The following TACC2 variants were observed in gnomAD, a reference collection of about 807,000 sequenced individuals.
The protein encoded by TACC2 is transforming acidic coiled-coil-containing protein 2.
TACC2 carries 137 observed loss-of-function variants against 227.3 expected under a neutral mutation model. The observed-to-expected ratio is 0.60, with a 90% CI of 0.52 to 0.69. The LOEUF is 0.69. Ranked by LOEUF, TACC2 falls within the 30% of genes least tolerant of loss-of-function variation. The pLI is 0.00. For synonymous variants in TACC2, 1,523 were observed against 1,487.5 expected, an observed-to-expected ratio of 1.02 and a Z score of -0.55; for missense variants, 3,470 against 3,694.4, an observed-to-expected ratio of 0.94 and a Z score of 1.57.
intron 5 of TACC2, among the ~76,000 whole-genome samples, chr10:122,119,990 C>CGGAGTAA (rs2085423899): frequency 1.3e-5 from 2 of 152,102 alleles, no homozygotes; most frequent in South Asian, 4.1e-4. Flanking sequence ...CTTGTCCTCC[C>CGGAGTAA]GGAGTAATTT....
At chr10:122,230,679 A>G (rs1045931) in intron 16 of TACC2, among the ~76,000 whole-genome samples, 9,028 of 152,330 alleles carry the variant, frequency 0.059, 359 homozygotes, top group South Asian at 0.13. Context: ...GAGAGAGAAT[A>G]CAGAGACCAA....
At chr10:122,096,288 T>C (rs1026108047) in intron 5 of TACC2, among the ~76,000 whole-genome samples, 1 of 152,180 alleles carries the variant, frequency 6.6e-6, no homozygotes, top group Non-Finnish European at 1.5e-5. Context: ...TGCGCACCCG[T>C]ATCTGAGCTG....
chr10:122,237,311 C>T (rs1476357874), intron 16 of TACC2, 84 bp from the exon 17 acceptor site: 5 of 1,314,322 alleles, frequency 3.8e-6, no homozygotes, highest in Non-Finnish European at 5.2e-6. Flanking sequence ...TACAATTGGC[C>T]CATTCATGAG....
rs78889283 is a variant in TACC2, at chr10:122,246,129, G to A, written c.8393-2514G>A. Among the ~76,000 whole-genome samples, 897 of 152,284 alleles carry A rather than the reference G, an allele frequency of 5.9e-3. 12 individuals carry two copies. Among genetic ancestry groups the A allele is most frequent in the African/African-American group, 0.02 (850 of 41,560 alleles). ...GGGTCCCTGCCCCAGCAGCATCTGC[G>A]TCACTGGGGAACTTGTGACCTGTGC... On this transcript the variant is annotated intron_variant, in intron 19 of 22. Transcript: ENST00000369005.
chr10:122,092,660 G>T (rs1207349275), intron 5 of TACC2, among the ~76,000 whole-genome samples: 28 of 152,172 alleles, frequency 1.8e-4, no homozygotes, highest in Admixed American at 1.8e-3. Flanking sequence ...TAATGGATGT[G>T]GCATGGATAT....
At chr10:122,225,693 C>G (rs1460927413) in intron 12 of TACC2, among the ~76,000 whole-genome samples, 1 of 152,186 alleles carries the variant, frequency 6.6e-6, no homozygotes, top group Admixed American at 6.5e-5. Flanking sequence ...ACAAGGGGCC[C>G]CTTCCTCTTG....
At chr10:122,230,231 G>A in intron 15 of TACC2, 120 bp from the exon 16 acceptor site, 2 of 792,586 alleles carry the variant, frequency 2.5e-6, no homozygotes, top group Non-Finnish European at 4.5e-6. Context: ...CGGAGCGCGT[G>A]TTTTTCCCGA....
At position 122,211,663 on chromosome 10, in the gene TACC2, A is replaced by T. The variant is rs147830187; in HGVS notation, c.7238A>T (p.Asp2413Val). 8 of 1,590,572 alleles carry T rather than the reference A, an allele frequency of 5.0e-6. No homozygotes were observed. In the African/African-American group the frequency reaches 8.2e-5, roughly 16 times the overall value. The change falls in exon 9 of 23, where the codon GAT (aspartate) becomes GTT (valine). Residue 2413 changes from aspartate to valine, a missense_variant. By Grantham distance (152) the Asp-to-Val change is radical. Around this residue, in one of 10 missense-constraint regions of TACC2, gnomAD observed 593 missense variants for 636.6 expected, o/e 0.93. Transcript: ENST00000369005. ...SAMEANGVDG[D>V]GLNKPAKKKK... ...ATGGAAGCCAATGGAGTGGACGGGGATGGGCTAAACAAGCCCGCCAAGAAG... is the reference window on the plus strand; with the variant it reads ...ATGGAAGCCAATGGAGTGGACGGGGTTGGGCTAAACAAGCCCGCCAAGAAG...
chr10:122,193,047 A>G (rs1394605044), intron 7 of TACC2, among the ~76,000 whole-genome samples: 1 of 152,230 alleles, frequency 6.6e-6, no homozygotes, highest in African/African-American at 2.4e-5. Flanking sequence ...CCCCATAGAC[A>G]AAAGCTAAGC....
chr10:122,176,111 CTCTCTCTATA>C lies in TACC2; in HGVS notation c.5835-18927_5835-18918del, dbSNP rs1323098243. On this transcript the variant is annotated intron_variant, in intron 7 of 22. Coordinates refer to ENST00000369005, the MANE Select transcript of TACC2 (RefSeq NM_206862.4). ...TCTCTCTCTCTCTCTCTCTCTCTCTCTCTCTCTATATATATATATATATATATATATATAT... is the reference window on the plus strand; with the variant it reads ...TCTCTCTCTCTCTCTCTCTCTCTCTCTATATATATATATATATATATATAT... Among the ~76,000 whole-genome samples the C allele has an allele frequency of 8.9e-3, 554 of 62,152 alleles. 5 individuals carry two copies. The highest frequency in any genetic ancestry group is 0.033 in the African/African-American group (334 of 10,276). The allele number at this position is 62,152 out of a possible 152,430, so 40.8% of individuals were successfully genotyped here.
rs1412881261 is a variant in TACC2 at position 122,230,371 on chromosome 10, C to A, written c.8058C>A (p.Ile2686=). The change falls in exon 16 of 23, where the codon ATC becomes ATA. Residue 2686 remains isoleucine (I), a synonymous_variant. Transcript: ENST00000369005. The part of the protein sequence containing the change: ...QKLQEELEFA[I]MRIEALKLAR... ...GGCAGGAGGAGTTAGAGTTTGCCAT[C>A]ATGCGGATAGAAGCCCTGAAGCTGG... 2 of 1,614,066 alleles carry A rather than the reference C, an allele frequency of 1.2e-6. No individual in the cohort carries two copies. The highest frequency in any genetic ancestry group is 2.7e-5 in the African/African-American group (2 of 74,932).
chr10:122,195,209 C>T, intron 8 of TACC2, 33 bp downstream of exon 8: 5 of 1,576,570 alleles, frequency 3.2e-6, no homozygotes, highest in Non-Finnish European at 4.3e-6. Context: ...CCAGACAGCC[C>T]TGTAGAGTTG....
intron 8 of TACC2, among the ~76,000 whole-genome samples, chr10:122,201,303 A>G (rs2094836292): frequency 6.8e-6 from 1 of 148,018 alleles, no homozygotes; most frequent in African/African-American, 2.5e-5. Context: ...GAAAACGGCC[A>G]CCTCACCTGC....
chr10:122,123,067 A>G (rs1264492520), intron 5 of TACC2, among the ~76,000 whole-genome samples: 3 of 152,210 alleles, frequency 2.0e-5, no homozygotes, highest in East Asian at 1.9e-4. Context: ...CAGTGGCACA[A>G]TCTCAGCTCA....
At chr10:122,192,543 G>A (rs2094443870) in intron 7 of TACC2, 3 of 385,234 alleles carry the variant, frequency 7.8e-6, no homozygotes, top group South Asian at 1.9e-5. Flanking sequence ...TCCGGACGCT[G>A]GAGAAGCTCA....
At chr10:122,244,918 A>C (rs1343030411) in intron 19 of TACC2, 2 of 152,252 alleles carry the variant, frequency 1.3e-5, no homozygotes, top group Non-Finnish European at 2.9e-5. Flanking sequence ...GTGACTATTT[A>C]GAATTCAGAA....
intron 6 of TACC2, among the ~76,000 whole-genome samples, chr10:122,142,331 C>A (rs1386304888): frequency 6.6e-6 from 1 of 152,232 alleles, no homozygotes; most frequent in Non-Finnish European, 1.5e-5. Context: ...GGGTTGCGAT[C>A]CTGCGGTGGA....
At chr10:122,056,557 A>T (rs923272955) in intron 3 of TACC2, among the ~76,000 whole-genome samples, 3 of 152,204 alleles carry the variant, frequency 2.0e-5, no homozygotes, top group Non-Finnish European at 4.4e-5. Context: ...GCATTCTGCC[A>T]CGCGGCTGTG....
At chr10:122,005,847 C>T (rs1331529211) in intron 1 of TACC2, among the ~76,000 whole-genome samples, 1 of 152,012 alleles carries the variant, frequency 6.6e-6, no homozygotes. Context: ...TTGTGCACCA[C>T]CATGCCCAGC....
Sources: allele counts gnomAD v4.1 joint callset (sites outside exome capture counted in the v4.1 genomes callset), GRCh38; gene constraint gnomAD v4.1.1; regional missense constraint gnomAD v4.1.1; transcripts MANE v1.5; gene names NCBI Gene and HGNC (gene_info 2026-07-23, HGNC 2026-07-21).